BTAF1: variants seen among roughly 807,000 people sequenced by gnomAD.
The protein encoded by BTAF1 is B-TFIID TATA-box binding protein associated factor 1.
In BTAF1, 38 loss-of-function variants were observed where a neutral mutation model predicts 227.1. That is an observed-to-expected ratio of 0.17 (90% CI 0.13 to 0.22). The LOEUF (loss-of-function observed/expected upper bound fraction) is 0.22. Ranked by LOEUF, BTAF1 falls within the 10% of genes least tolerant of loss-of-function variation. The pLI is 1.00. For missense variants in BTAF1, 1,598 were observed against 2,204.0 expected (o/e 0.73, Z 5.51); for synonymous variants, 742 against 751.9 (o/e 0.99, Z 0.21).
intron 25 of BTAF1, among the ~76,000 whole-genome samples, chr10:92,001,077 A>G (rs192887274): frequency 3.7e-4 from 57 of 152,360 alleles, no homozygotes; most frequent in South Asian, 1.4e-3. Flanking sequence ...GTTTTCAGGC[A>G]TTGGACAACA....
chr10:92,025,013 C>T (rs756366350), intron 35 of BTAF1, 46 bp downstream of exon 35: 89 of 1,513,796 alleles, frequency 5.9e-5, no homozygotes, highest in Non-Finnish European at 7.5e-5. Context: ...TATATTATTA[C>T]TTACATAGAA....
intron 1 of BTAF1, among the ~76,000 whole-genome samples, chr10:91,925,350 C>T (rs537898655): frequency 6.6e-6 from 1 of 152,074 alleles, no homozygotes; most frequent in Non-Finnish European, 1.5e-5. Flanking sequence ...ATTGTAAATG[C>T]ATTGATATGT....
intron 15 of BTAF1, among the ~76,000 whole-genome samples, chr10:91,981,430 T>TA (rs1404083421): frequency 2.0e-4 from 31 of 151,526 alleles, no homozygotes; most frequent in African/African-American, 4.6e-4. Flanking sequence ...GTTCTTTTTT[T>TA]AAAAAAAAAC....
At chr10:91,947,796 G>A (rs1212605026) in intron 4 of BTAF1, among the ~76,000 whole-genome samples, 1 of 140,956 alleles carries the variant, frequency 7.1e-6, no homozygotes, top group Admixed American at 7.3e-5. Context: ...TTGAATCTCT[G>A]TATACATTTG....
intron 34 of BTAF1, among the ~76,000 whole-genome samples, chr10:92,022,563 G>A (rs1851215068): frequency 6.6e-6 from 1 of 152,088 alleles, no homozygotes; most frequent in African/African-American, 2.4e-5. Flanking sequence ...GACTACAGGT[G>A]TGCGCTACCA....
intron 1 of BTAF1, among the ~76,000 whole-genome samples, chr10:91,927,985 T>C (rs887200786): frequency 6.0e-5 from 9 of 149,594 alleles, no homozygotes; most frequent in Non-Finnish European, 8.9e-5. Flanking sequence ...TTTTTCTTTT[T>C]TTTTTTTTTT....
intron 24 of BTAF1, chr10:91,997,209 G>A (rs1849203087): frequency 8.3e-7 from 1 of 1,206,750 alleles, no homozygotes; most frequent in African/African-American, 1.6e-5. Flanking sequence ...TCAAGATCCT[G>A]GTGGGAAATT....
Position 91,989,220 on chromosome 10 carries a change from G to A in BTAF1, c.2494G>A (p.Asp832Asn). The change falls in exon 20 of 38, where the codon GAT becomes AAT. Residue 832 changes from aspartate to asparagine, a missense_variant. Coordinates refer to ENST00000265990, the MANE Select transcript of BTAF1 (RefSeq NM_003972.3). ...AAATCCTCAAGTGTTACAACAGTTAGATAGTAAACGACAGCAGGTCCAAAT... is the reference window on the plus strand; with the variant it reads ...AAATCCTCAAGTGTTACAACAGTTAAATAGTAAACGACAGCAGGTCCAAAT... ...DLNPQVLQQL[D>N]SKRQQVQMTV... 1 of 1,614,050 alleles carries A rather than the reference G, an allele frequency of 6.2e-7. No individual in the cohort carries two copies. Among genetic ancestry groups the A allele is most frequent in the South Asian group, 1.1e-5 (1 of 91,074 alleles).
At chr10:92,027,634 T>C (rs1276780798) in intron 37 of BTAF1, among the ~76,000 whole-genome samples, 1 of 152,192 alleles carries the variant, frequency 6.6e-6, no homozygotes, top group African/African-American at 2.4e-5. Context: ...TTAGGCAGAT[T>C]ATCTCTCTGA....
At chr10:91,963,314 G>A (rs530648329) in intron 12 of BTAF1, among the ~76,000 whole-genome samples, 2 of 151,890 alleles carry the variant, frequency 1.3e-5, no homozygotes, top group East Asian at 4.0e-4. Context: ...AGCTACTCAG[G>A]AGGCTGAGGT....
intron 14 of BTAF1, among the ~76,000 whole-genome samples, chr10:91,978,814 GTTTTTT>G (rs145477284): frequency 1.1e-5 from 1 of 89,852 alleles, no homozygotes; most frequent in Non-Finnish European, 2.0e-5. Flanking sequence ...TTTATGGCTT[GTTTTTT>G]TTTTTTTTTT....
chr10:91,987,258 T>C (rs1236854388), intron 19 of BTAF1, among the ~76,000 whole-genome samples: 1 of 151,636 alleles, frequency 6.6e-6, no homozygotes, highest in African/African-American at 2.4e-5. Flanking sequence ...CCGAGGTGGG[T>C]GGATCATGAG....
chr10:91,976,740 A>C (rs1348344749), intron 14 of BTAF1, among the ~76,000 whole-genome samples: 1 of 152,188 alleles, frequency 6.6e-6, no homozygotes, highest in Non-Finnish European at 1.5e-5. Flanking sequence ...TTACGATACG[A>C]ATTTGGATTA....
chr10:92,024,732 G>GTTTTTTTTTTTTTTTTTTTTTTTTTTTT, intron 34 of BTAF1, 24 bp from the exon 35 acceptor site: 1 of 1,267,284 alleles, frequency 7.9e-7, no homozygotes, highest in Non-Finnish European at 1.1e-6. Flanking sequence ...CGCTTATGTA[G>GTTTTTTTTTTTTTTTTTTTTTTTTTTTT]TTTTTTTTTT....
At position 91,981,788 on chromosome 10, in the gene BTAF1, C is replaced by T. The variant is rs1305232611; in HGVS notation, c.1901C>T (p.Ala634Val). Reference protein sequence around the residue: ...LNMLLEVKARAKEKTGGKVRQ... With the variant: ...LNMLLEVKARVKEKTGGKVRQ... ...ATGTTGCTAGAAGTAAAAGCTAGAG[C>T]CAAGGTAAGTGTAGAGGGACATAGT... Residue 634 changes from alanine (A) to valine (V), a missense_variant, in exon 16 of 38, where the codon GCC becomes GTC. By Grantham distance (64) the Ala-to-Val change is moderately conservative. Coordinates refer to ENST00000265990, the MANE Select transcript of BTAF1 (RefSeq NM_003972.3). The T allele has an allele frequency of 3.1e-6, 5 of 1,612,322 alleles. No homozygotes were observed. Among genetic ancestry groups the T allele is most frequent in the Non-Finnish European group, 4.2e-6 (5 of 1,179,272 alleles).
chr10:91,979,065 G>A (rs1357267575), intron 14 of BTAF1, among the ~76,000 whole-genome samples: 1 of 151,902 alleles, frequency 6.6e-6, no homozygotes, highest in Non-Finnish European at 1.5e-5. Flanking sequence ...ACTTACAGGT[G>A]AGAATATGTA....
intron 14 of BTAF1, among the ~76,000 whole-genome samples, chr10:91,972,669 T>C (rs750935198): frequency 3.3e-5 from 5 of 152,232 alleles, no homozygotes; most frequent in Admixed American, 1.3e-4. Context: ...AAGTTACTTA[T>C]TGATTAATTT....
intron 30 of BTAF1, among the ~76,000 whole-genome samples, chr10:92,012,596 C>T (rs1231436768): frequency 2.7e-5 from 4 of 150,440 alleles, no homozygotes; most frequent in Non-Finnish European, 5.9e-5. Flanking sequence ...TGTGGCAAAA[C>T]CCCATCTCTA....
At chr10:92,023,065 T>TA (rs915823815) in intron 34 of BTAF1, among the ~76,000 whole-genome samples, 2 of 152,180 alleles carry the variant, frequency 1.3e-5, no homozygotes, top group Admixed American at 1.3e-4. Flanking sequence ...TGGTCACATA[T>TA]ACTCCCTTTG....
Sources: allele counts gnomAD v4.1 joint callset (sites outside exome capture counted in the v4.1 genomes callset), GRCh38; gene constraint gnomAD v4.1.1; transcripts MANE v1.5; gene names NCBI Gene and HGNC (gene_info 2026-07-23, HGNC 2026-07-21).